Variants in RNF213 observed in about 807,000 individuals in gnomAD.
RNF213 encodes the protein ring finger protein 213.
RNF213 carries 341 observed loss-of-function variants against 514.4 expected under a neutral mutation model. The ratio of observed to expected loss-of-function variants is 0.66; its 90% CI spans 0.61 to 0.73. The LOEUF (loss-of-function observed/expected upper bound fraction) is 0.73. Ranked by LOEUF, RNF213 falls within the 30% of genes least tolerant of loss-of-function variation. The probability of loss-of-function intolerance (pLI) is 0.00; values close to 1 mark genes in which losing one functional copy is unlikely to be tolerated. For missense variants in RNF213, 5,767 were observed against 6,615.6 expected (o/e 0.87, Z 4.45); for synonymous variants, 2,655 against 2,658.2 (o/e 1.00, Z 0.04).
rs539409121 is a variant in RNF213 at position 80,307,542 on chromosome 17, G to T, written c.2501+341G>T. 2.0e-4 allele frequency among the ~76,000 whole-genome samples: 29 copies of T among 146,156 alleles called. No individual in the cohort carries two copies. In the South Asian group the frequency reaches 2.0e-3, roughly 10 times the overall value. ...CACGCCCAGCTAATTTTTGTGTGTT[G>T]GTTTGTTTGTTTGTTTGTTTTTTTG... is the stretch of plus-strand genomic sequence containing the variant. On this transcript the variant is annotated intron_variant, in intron 13 of 67. Transcript: ENST00000582970.
rs1190640806 is a variant in RNF213, at chr17:80,360,108, T to C, written c.11102T>C (p.Leu3701Pro). Reference protein sequence around the residue: ...AYIVVQNHMNLSENASNNVPF... With the variant: ...AYIVVQNHMNPSENASNNVPF... ...ATCGTGGTGCAGAACCACATGAACC[T>C]TTCCGAGAACGCTTCCAACAACGTC... The change falls in exon 38 of 68, where the codon CTT becomes CCT. Residue 3701 changes from leucine (L) to proline (P), a missense_variant. Leu to Pro is a moderately conservative substitution (Grantham distance 98). This residue lies in a region of RNF213 where 919 missense variants were observed against 1,121.0 expected (regional missense o/e 0.82). Transcript: ENST00000582970. 1.9e-6 allele frequency: 3 copies of C among 1,614,032 alleles called. No individual in the cohort carries two copies. The highest frequency in any genetic ancestry group is 2.5e-6 in the Non-Finnish European group (3 of 1,180,026).
chr17:80,309,297 G>A, intron 14 of RNF213, 126 bp downstream of exon 14: 2 of 1,163,918 alleles, frequency 1.7e-6, no homozygotes, highest in Non-Finnish European at 1.3e-6. Flanking sequence ...GGTTTCAGCA[G>A]TGGACATTTC....
At position 80,354,038 on chromosome 17, in the gene RNF213, C is replaced by G. The variant is rs991660250; in HGVS notation, c.10598C>G (p.Thr3533Ser). ...GGSDVSILDT[T>S]RLLRSCVQSA... Reference sequence around the variant, plus strand: ...CAACAGGTGTCGATCCTGGACACCACCAGGCTGCTGAGAAGCTGTGTGCAG... The same window carrying G: ...CAACAGGTGTCGATCCTGGACACCAGCAGGCTGCTGAGAAGCTGTGTGCAG... The change falls in exon 35 of 68, where the codon ACC becomes AGC. Residue 3533 changes from threonine (T) to serine (S), a missense_variant. This residue lies in a region of RNF213 where 919 missense variants were observed against 1,121.0 expected (regional missense o/e 0.82). Coordinates refer to ENST00000582970, the MANE Select transcript of RNF213 (RefSeq NM_001256071.3). 11 of 1,613,794 alleles carry G rather than the reference C, an allele frequency of 6.8e-6. No homozygotes were observed. The Admixed American group carries it at 8.3e-5, about 12-fold the overall frequency.
At chr17:80,322,919 C>T (rs959978290) in intron 17 of RNF213, among the ~76,000 whole-genome samples, 2 of 152,056 alleles carry the variant, frequency 1.3e-5, no homozygotes, top group African/African-American at 2.4e-5. Context: ...TCTTTTGTTG[C>T]TTGTACTTTT....
intron 8 of RNF213, among the ~76,000 whole-genome samples, chr17:80,292,440 G>A (rs1406030606): frequency 6.6e-6 from 1 of 152,178 alleles, no homozygotes; most frequent in African/African-American, 2.4e-5. Flanking sequence ...GAACAGAGGG[G>A]CAGCAAAGGC....
At chr17:80,338,107 G>A in intron 25 of RNF213, 110 bp downstream of exon 25, 1 of 1,323,670 alleles carries the variant, frequency 7.6e-7, no homozygotes, top group Non-Finnish European at 1.0e-6. Flanking sequence ...TGACTGATAA[G>A]AAGGGCTCTG....
intron 2 of RNF213, among the ~76,000 whole-genome samples, chr17:80,270,756 T>C (rs2043794679): frequency 6.6e-6 from 1 of 152,160 alleles, no homozygotes; most frequent in African/African-American, 2.4e-5. Context: ...GAAACCCAGC[T>C]CTCCTAGGCT....
chr17:80,388,752 G>T (rs960081544), intron 64 of RNF213, 63 bp downstream of exon 64: 2 of 1,254,510 alleles, frequency 1.6e-6, no homozygotes, highest in Non-Finnish European at 2.3e-6. Context: ...GTTTCCCTCC[G>T]TGTTAGGCCT....
intron 59 of RNF213, 111 bp from the exon 60 acceptor site, chr17:80,384,928 G>A: frequency 2.6e-6 from 3 of 1,144,098 alleles, no homozygotes; most frequent in Non-Finnish European, 3.9e-6. Context: ...AAATGACACT[G>A]ACCAGATTAA....
chr17:80,386,592 G>A, intron 62 of RNF213, 98 bp from the exon 63 acceptor site: 1 of 1,478,320 alleles, frequency 6.8e-7, no homozygotes, highest in South Asian at 1.1e-5. Flanking sequence ...GTTTTCCACT[G>A]CTCCAACTGT....
rs1317348093 is a variant in RNF213 at position 80,289,763 on chromosome 17, C to G, written c.1038C>G (p.Asn346Lys). ...ACCTCAAGAAGCCAGAGGGGAAGAA[C>G]AGAAGTGCAGCTGCTGTGAAAAACG... The part of the protein sequence containing the change: ...PEDLKKPEGK[N>K]RSAAAVKNEK... The change falls in exon 6 of 68, where the codon AAC (asparagine) becomes AAG (lysine). Residue 346 changes from asparagine to lysine, a missense_variant. Asn to Lys is a moderately conservative substitution (Grantham distance 94, BLOSUM62 0). Transcript: ENST00000582970. The G allele has an allele frequency of 6.2e-7, 1 of 1,613,728 alleles. No homozygotes were observed. The highest frequency in any genetic ancestry group is 1.3e-5 in the African/African-American group (1 of 74,848).
chr17:80,383,322 T>C (rs1476440871), intron 58 of RNF213, among the ~76,000 whole-genome samples: 2 of 152,220 alleles, frequency 1.3e-5, no homozygotes, highest in Non-Finnish European at 2.9e-5. Flanking sequence ...GCAGGCAGTG[T>C]TTTTCTCTCC....
At position 80,294,906 on chromosome 17, in the gene RNF213, T is replaced by C; in HGVS notation, c.1658T>C (p.Phe553Ser). Residue 553 changes from phenylalanine (F) to serine (S), a missense_variant, in exon 9 of 68, where the codon TTC becomes TCC. Physicochemically the swap from Phe to Ser is radical, Grantham distance 155 (BLOSUM62 -2). Coordinates refer to ENST00000582970, the MANE Select transcript of RNF213 (RefSeq NM_001256071.3). ...TWDTINLNSF[F>S]TQFEQFCFVL... ...GACACCATCAACCTGAACAGCTTCT[T>C]CACCCAGTTCGAGCAGTTTTGCTTT... 10 of 1,614,180 alleles carry C rather than the reference T, an allele frequency of 6.2e-6. No individual in the cohort carries two copies. Among genetic ancestry groups the C allele is most frequent in the Non-Finnish European group, 8.5e-6 (10 of 1,180,032 alleles).
intron 64 of RNF213, 31 bp from the exon 65 acceptor site, chr17:80,389,142 A>G (rs768900711): frequency 6.2e-7 from 1 of 1,607,958 alleles, no homozygotes; most frequent in East Asian, 2.2e-5. Context: ...CCCAGCCCAC[A>G]GACATCCCTC....
In RNF213 at chr17:80,332,017, G is replaced by A; in HGVS notation, c.3529G>A (p.Val1177Met). Reference sequence around the variant, plus strand: ...TTTCGCTTCTAAAGTGGACTTTGGAGTGCTTGCAGTAAGACACTCACAAGA... The same window carrying A: ...TTTCGCTTCTAAAGTGGACTTTGGAATGCTTGCAGTAAGACACTCACAAGA... ...VKHLIQVDFG[V>M]LAVRHSQDLS... Residue 1177 changes from valine to methionine, a missense_variant, in exon 21 of 68, where the codon GTG becomes ATG. By Grantham distance (21) the Val-to-Met change is conservative (BLOSUM62 1). Around this residue, in one of 13 missense-constraint regions of RNF213, gnomAD observed 516 missense variants for 566.5 expected, o/e 0.91. Transcript: ENST00000582970. The A allele has an allele frequency of 6.5e-7, 1 of 1,534,810 alleles. No individual in the cohort carries two copies. The highest frequency in any genetic ancestry group is 8.7e-7 in the Non-Finnish European group (1 of 1,144,984).
rs144887674 is a variant in RNF213, at chr17:80,325,937, G to GTATTTATTTATTTATT, written c.3193+761_3193+776dup. 6.2e-3 allele frequency among the ~76,000 whole-genome samples: 910 copies of GTATTTATTTATTTATT among 147,448 alleles called. 13 individuals are homozygous for GTATTTATTTATTTATT. The highest frequency in any genetic ancestry group is 0.022 in the African/African-American group (867 of 39,674). The stretch of plus-strand genomic sequence containing the variant: ...TGAAAAGATCATTTTTGTGTTATTT[G>GTATTTATTTATTTATT]TATTTATTTATTTATTTATTTATTT... On this transcript the variant is annotated intron_variant, in intron 18 of 67. Coordinates refer to ENST00000582970, the MANE Select transcript of RNF213 (RefSeq NM_001256071.3).
In RNF213 at chr17:80,353,486, C is replaced by T. The variant is rs371056932; in HGVS notation, c.10424-26C>T. 2.8e-5 allele frequency: 45 copies of T among 1,590,704 alleles called. No homozygotes were observed. The highest frequency in any genetic ancestry group is 2.0e-4 in the South Asian group (18 of 87,896). On this transcript the variant is annotated intron_variant, in intron 33 of 67. Coordinates refer to ENST00000582970, the MANE Select transcript of RNF213 (RefSeq NM_001256071.3). The surrounding 1 kb of genome is among the most constrained non-coding windows in gnomAD (Gnocchi z 5.0). ...CCCTGTGCCACCTTCTGAGTGGTAA[C>T]GCAATCACGTTTGCTTCGACTGCAG... is the stretch of plus-strand genomic sequence containing the variant.
At chr17:80,374,193 C>T (rs923967506) in intron 49 of RNF213, among the ~76,000 whole-genome samples, 13 of 152,124 alleles carry the variant, frequency 8.5e-5, no homozygotes, top group African/African-American at 1.4e-4. Context: ...TGGTGCGGTG[C>T]GCCGCAAACG....
chr17:80,390,029 C>G lies in RNF213; in HGVS notation c.15303C>G (p.Ile5101Met). The G allele has an allele frequency of 1.2e-6, 2 of 1,614,240 alleles. No homozygotes were observed. Among genetic ancestry groups the G allele is most frequent in the Non-Finnish European group, 1.7e-6 (2 of 1,180,046 alleles). The change falls in exon 67 of 68, where the codon ATC (isoleucine) becomes ATG (methionine). Residue 5101 changes from isoleucine to methionine, a missense_variant. Coordinates refer to ENST00000582970, the MANE Select transcript of RNF213 (RefSeq NM_001256071.3). ...CGTTTTAGGAGCCATTTGGGGAAAT[C>G]AGTTCAAGGTACAAAGCGGATCTGA... The part of the protein sequence containing the change: ...LRLHKEPFGE[I>M]SSRYKADLSP...
Sources: allele counts gnomAD v4.1 joint callset (sites outside exome capture counted in the v4.1 genomes callset), GRCh38; gene constraint gnomAD v4.1.1; regional missense constraint gnomAD v4.1.1; non-coding constraint Gnocchi (gnomAD v3.1); transcripts MANE v1.5; gene names NCBI Gene and HGNC (gene_info 2026-07-23, HGNC 2026-07-21).